GPC5: variants seen among roughly 807,000 people sequenced by gnomAD.
GPC5 encodes the protein glypican-5.
Under a neutral mutation model 53.9 loss-of-function variants are expected in GPC5, and 47 were observed. The ratio of observed to expected loss-of-function variants is 0.87; its 90% confidence interval spans 0.69 to 1.11. The LOEUF (loss-of-function observed/expected upper bound fraction) is 1.11. Among genes scored for constraint, GPC5 ranks in the 50% most tolerant of loss-of-function variants. The probability of loss-of-function intolerance (pLI) is 0.00; values close to 1 mark genes in which losing one functional copy is unlikely to be tolerated. For synonymous variants in GPC5, 286 were observed against 263.3 expected (o/e 1.09, Z -0.84); for missense variants, 748 against 713.1 (o/e 1.05, Z -0.56).
chr13:92,261,658 A>G (rs12873529), intron 7 of GPC5, among the ~76,000 whole-genome samples: 1,858 of 152,244 alleles, frequency 0.012, 38 homozygotes, highest in Middle Eastern at 0.044. Flanking sequence ...GTGAATAGGA[A>G]AACTTTACTG....
intron 6 of GPC5, among the ~76,000 whole-genome samples, chr13:91,910,394 A>C (rs948077648): frequency 7.2e-4 from 110 of 152,354 alleles, no homozygotes; most frequent in African/African-American, 2.4e-3. Flanking sequence ...ACGTCGACAT[A>C]GGAATAGGTT....
rs549515043 is a variant in GPC5 at position 92,585,223 on chromosome 13, A to G, written c.1562-281059A>G. ...AGCCACAGACACTCAACACTAGCCC[A>G]TGGAAACACCCAAGATGGAGGCTAT... On this transcript the variant is annotated intron_variant, in intron 7 of 7. Coordinates refer to ENST00000377067, the MANE Select transcript of GPC5 (RefSeq NM_004466.6). 6.8e-4 allele frequency among the ~76,000 whole-genome samples: 103 copies of G among 152,258 alleles called. 2 individuals are homozygous for G. The highest frequency in any genetic ancestry group is 6.8e-3 in the Middle Eastern group (2 of 294).
At chr13:92,308,797 A>T (rs2043127607) in intron 7 of GPC5, among the ~76,000 whole-genome samples, 1 of 152,096 alleles carries the variant, frequency 6.6e-6, no homozygotes, top group Non-Finnish European at 1.5e-5. Context: ...TCTCTTTAAT[A>T]ATCCTTCCAT....
intron 4 of GPC5, 68 bp downstream of exon 4, chr13:91,728,733 A>C: frequency 6.9e-7 from 1 of 1,456,032 alleles, no homozygotes; most frequent in Non-Finnish European, 9.2e-7. Flanking sequence ...ACAGAATAGA[A>C]CATATTCAAT....
chr13:92,515,219 C>T (rs1357080564), intron 7 of GPC5, among the ~76,000 whole-genome samples: 3 of 152,022 alleles, frequency 2.0e-5, no homozygotes, highest in Non-Finnish European at 4.4e-5. Flanking sequence ...AAGCTTAGTA[C>T]TAAGAACAAG....
chr13:91,945,508 T>C (rs1396192851), intron 6 of GPC5, among the ~76,000 whole-genome samples: 1 of 152,244 alleles, frequency 6.6e-6, no homozygotes, highest in Non-Finnish European at 1.5e-5. Flanking sequence ...AGTTGATATA[T>C]TCCTTTTTAT....
chr13:92,318,295 T>G (rs891190932), intron 7 of GPC5, among the ~76,000 whole-genome samples: 2 of 152,138 alleles, frequency 1.3e-5, no homozygotes, highest in African/African-American at 4.8e-5. Context: ...TGAATTGCAG[T>G]GTTTGCCAAT....
intron 5 of GPC5, among the ~76,000 whole-genome samples, chr13:91,834,832 A>G (rs2038704694): frequency 6.6e-6 from 1 of 152,206 alleles, no homozygotes; most frequent in African/African-American, 2.4e-5. Context: ...GGAAATAGGT[A>G]TGGGCAAGGA....
intron 2 of GPC5, among the ~76,000 whole-genome samples, chr13:91,545,629 T>C (rs2030239053): frequency 2.0e-5 from 3 of 152,186 alleles, no homozygotes; most frequent in Admixed American, 2.0e-4. Flanking sequence ...TACAGTGATG[T>C]ACAGTAGATC....
chr13:92,195,145 T>A (rs915101128), intron 7 of GPC5, among the ~76,000 whole-genome samples: 1 of 152,172 alleles, frequency 6.6e-6, no homozygotes, highest in African/African-American at 2.4e-5. Flanking sequence ...CATTATAATA[T>A]TCAATATTAA....
At chr13:91,863,050 C>T (rs1468845553) in intron 5 of GPC5, among the ~76,000 whole-genome samples, 7 of 150,022 alleles carry the variant, frequency 4.7e-5, no homozygotes, top group South Asian at 2.1e-4. Context: ...TCCCTCTCCC[C>T]TCCCCTTCCT....
chr13:91,890,177 C>A (rs2039369676), intron 5 of GPC5, among the ~76,000 whole-genome samples: 1 of 152,156 alleles, frequency 6.6e-6, no homozygotes, highest in African/African-American at 2.4e-5. Context: ...CAGAAGTGTT[C>A]TTTTGCGTAA....
Position 92,563,922 on chromosome 13 carries a change from G to T in GPC5, c.1562-302360G>T, listed in dbSNP as rs187537499. On this transcript the variant is annotated intron_variant, in intron 7 of 7. Coordinates refer to ENST00000377067, the MANE Select transcript of GPC5 (RefSeq NM_004466.6). ...TTTACCTCCAAAGAGAACAGTTTGG[G>T]GTGATCTTCATCATCATCCATTAAT... 2.2e-3 allele frequency among the ~76,000 whole-genome samples: 335 copies of T among 151,750 alleles called. 1 individual carries two copies. The highest frequency in any genetic ancestry group is 6.8e-3 in the Middle Eastern group (2 of 292).
intron 6 of GPC5, among the ~76,000 whole-genome samples, chr13:92,140,649 A>G (rs1317567144): frequency 6.6e-6 from 1 of 152,208 alleles, no homozygotes; most frequent in African/African-American, 2.4e-5. Flanking sequence ...TGGTTTTGAC[A>G]GTAAAGAATC....
intron 6 of GPC5, among the ~76,000 whole-genome samples, chr13:92,082,642 G>C (rs1478266719): frequency 6.6e-6 from 1 of 152,112 alleles, no homozygotes. Context: ...AAAAGGAAAA[G>C]GGTATTATCT....
At chr13:92,831,153 T>TGGCTA (rs1192517972) in intron 7 of GPC5, among the ~76,000 whole-genome samples, 1 of 152,164 alleles carries the variant, frequency 6.6e-6, no homozygotes. Flanking sequence ...GTCGTATTCA[T>TGGCTA]GGCTAGGCTT....
At chr13:91,406,740 C>G (rs577616501) in intron 1 of GPC5, among the ~76,000 whole-genome samples, 28 of 152,320 alleles carry the variant, frequency 1.8e-4, no homozygotes, top group African/African-American at 6.0e-4. Context: ...TCTTCTCCTT[C>G]TGGGTGGTAG....
intron 6 of GPC5, among the ~76,000 whole-genome samples, chr13:91,926,144 G>A (rs564190097): frequency 1.3e-5 from 2 of 151,980 alleles, no homozygotes; most frequent in East Asian, 1.9e-4. Flanking sequence ...GGCGGATCAC[G>A]AGGTCAGGAG....
chr13:91,890,534 A>G (rs2039373707), intron 5 of GPC5, among the ~76,000 whole-genome samples: 1 of 151,902 alleles, frequency 6.6e-6, no homozygotes, highest in Non-Finnish European at 1.5e-5. Flanking sequence ...GCTATATTTG[A>G]GCAACAAGGG....
Sources: gnomAD v4.1 joint callset for allele counts (sites outside exome capture counted in the v4.1 genomes callset) on GRCh38, gnomAD v4.1.1 for gene constraint, MANE v1.5 for transcripts, NCBI Gene and HGNC (gene_info 2026-07-23, HGNC 2026-07-21) for gene names.